The following VBP1 variants were observed in gnomAD, a reference collection of about 807,000 sequenced individuals.
VBP1 encodes the protein prefoldin subunit 3.
A neutral mutation model predicts 15.5 loss-of-function variants in VBP1; 4 were observed. The observed-to-expected ratio is 0.26, with a 90% CI of 0.13 to 0.59. The LOEUF (loss-of-function observed/expected upper bound fraction) is 0.59. Ranked by LOEUF, VBP1 falls within the 20% of genes least tolerant of loss-of-function variation. The probability of loss-of-function intolerance (pLI) is 0.90; values close to 1 mark genes in which losing one functional copy is unlikely to be tolerated. For synonymous variants in VBP1, 61 were observed against 52.1 expected (o/e 1.17, Z -0.74); for missense variants, 108 against 139.6 (o/e 0.77, Z 1.14).
intron 2 of VBP1, among the ~76,000 whole-genome samples, chrX:155,224,032 T>C (rs1286941113): frequency 2.0e-5 from 2 of 99,955 alleles, no homozygotes; most frequent in African/African-American, 7.7e-5. Flanking sequence ...GCTCCCCACA[T>C]CTCAGAGGAT....
intron 1 of VBP1, among the ~76,000 whole-genome samples, chrX:155,199,224 C>A (rs1393043345): frequency 9.0e-6 from 1 of 110,710 alleles, no homozygotes; most frequent in Non-Finnish European, 1.9e-5. Flanking sequence ...TCTAGCAAGG[C>A]AGGCCAACAT....
intron 2 of VBP1, among the ~76,000 whole-genome samples, chrX:155,211,005 G>A (rs1557308472): frequency 8.9e-6 from 1 of 112,096 alleles, no homozygotes; most frequent in Non-Finnish European, 1.9e-5. Flanking sequence ...ATATGTGAAA[G>A]GTGATGAATT....
intron 2 of VBP1, among the ~76,000 whole-genome samples, chrX:155,222,950 C>A (rs1331950471): frequency 2.7e-5 from 3 of 111,120 alleles, no homozygotes; most frequent in Non-Finnish European, 5.7e-5. Context: ...TCAAGCAATT[C>A]TTCCATCTCA....
intron 5 of VBP1, among the ~76,000 whole-genome samples, chrX:155,237,722 ACC>A (rs2074780479): frequency 9.0e-6 from 1 of 111,461 alleles, no homozygotes; most frequent in South Asian, 3.7e-4. Flanking sequence ...CTCTTTTTTT[ACC>A]CTTTTACCCT....
intron 1 of VBP1, among the ~76,000 whole-genome samples, chrX:155,218,070 T>C (rs2074673347): frequency 8.9e-6 from 1 of 112,124 alleles, no homozygotes; most frequent in African/African-American, 3.2e-5. Context: ...GTCAGAAATC[T>C]AACTCGGGAG....
intron 2 of VBP1, among the ~76,000 whole-genome samples, chrX:155,221,638 A>G (rs2074690099): frequency 8.9e-6 from 1 of 112,272 alleles, no homozygotes; most frequent in Non-Finnish European, 1.9e-5. Flanking sequence ...AAAGCACCTC[A>G]TTAACCTGGA....
rs1184929995 is a variant in VBP1 at position 155,197,568 on chromosome X, GA to G, written c.-31+435del. Among the ~76,000 whole-genome samples, 2 of 112,108 alleles carry G rather than the reference GA, an allele frequency of 1.8e-5. 1 individual carries two copies. The highest frequency in any genetic ancestry group is 3.8e-5 in the Non-Finnish European group (2 of 52,985). ...CAAATGCCTATGTATAGAATGGTAAGAAAAAACGCTCTTTTTTAATCATTCA... is the reference window on the plus strand; with the variant it reads ...CAAATGCCTATGTATAGAATGGTAAGAAAAACGCTCTTTTTTAATCATTCA... On this transcript the variant is annotated intron_variant, in intron 1 of 6. Coordinates refer to the VBP1 transcript ENST00000535916.
intron 4 of VBP1, among the ~76,000 whole-genome samples, chrX:155,230,866 C>G (rs373006758): frequency 6.3e-5 from 7 of 111,138 alleles, no homozygotes; most frequent in African/African-American, 2.3e-4. Context: ...TTGGTAGAGA[C>G]GGGGTTTTGC....
chrX:155,198,474 A>T (rs894068207), intron 1 of VBP1, among the ~76,000 whole-genome samples: 1 of 111,930 alleles, frequency 8.9e-6, no homozygotes. Flanking sequence ...TTCTGCAGCC[A>T]CTGCTGCTGA....
upstream of VBP1, among the ~76,000 whole-genome samples, chrX:155,212,169 T>G (rs1170224002): frequency 1.8e-5 from 2 of 112,167 alleles, no homozygotes; most frequent in African/African-American, 6.5e-5. Flanking sequence ...GTGCTGGAAA[T>G]GCACCATCTC....
chrX:155,235,795 A>G (rs1245954346), intron 4 of VBP1, among the ~76,000 whole-genome samples: 3 of 112,203 alleles, frequency 2.7e-5, no homozygotes, highest in Non-Finnish European at 5.6e-5. Context: ...GAAAGATAGG[A>G]TTTTGTATCT....
rs895519030 is a variant in VBP1, at chrX:155,223,973, C to T, written c.219-3262C>T. Reference sequence around the variant, plus strand: ...CCTCACCTCCCAGACGGGGTGGCGGCGGGGCAGAGGTGCTCTTCACATCTC... The same window carrying T: ...CCTCACCTCCCAGACGGGGTGGCGGTGGGGCAGAGGTGCTCTTCACATCTC... On this transcript the variant is annotated intron_variant, in intron 2 of 5. Coordinates refer to ENST00000286428, the MANE Select transcript of VBP1 (RefSeq NM_003372.7). Among the ~76,000 whole-genome samples the T allele has an allele frequency of 6.4e-5, 7 of 109,825 alleles. No individual in the cohort carries two copies. The South Asian group carries it at 1.2e-3, about 19-fold the overall frequency.
At chrX:155,198,075 C>T (rs1239345783) in intron 1 of VBP1, among the ~76,000 whole-genome samples, 1 of 112,522 alleles carries the variant, frequency 8.9e-6, no homozygotes, top group Non-Finnish European at 1.9e-5. Context: ...CCGCCATTGC[C>T]CAGGCTTGCT....
At chrX:155,199,310 A>T (rs1401669645) in intron 1 of VBP1, among the ~76,000 whole-genome samples, 1 of 110,382 alleles carries the variant, frequency 9.1e-6, no homozygotes, top group East Asian at 2.8e-4. Context: ...TAATTGTCAG[A>T]TTCACCAAAG....
intron 1 of VBP1, among the ~76,000 whole-genome samples, chrX:155,202,465 C>G (rs1290216003): frequency 1.8e-5 from 2 of 111,184 alleles, no homozygotes; most frequent in Non-Finnish European, 3.8e-5. Context: ...ATATCTACAA[C>G]TATCTGATCT....
At chrX:155,197,280 C>T (rs1343393488) in intron 1 of VBP1, 2 of 111,528 alleles carry the variant, frequency 1.8e-5, no homozygotes, top group South Asian at 3.7e-4. Context: ...CAAGCAAATT[C>T]CTGTTCCTCA....
At chrX:155,214,987 A>G (rs1040457842), upstream of VBP1, among the ~76,000 whole-genome samples, 1 of 110,711 alleles carries the variant, frequency 9.0e-6, no homozygotes, top group African/African-American at 3.3e-5. Context: ...TAAGCTGATA[A>G]GGCTTTTGGC....
At position 155,220,089 on chromosome X, in the gene VBP1, CT is replaced by C. The variant is rs1168862261; in HGVS notation, c.94-86del. On this transcript the variant is annotated intron_variant, in intron 1 of 5. Transcript: ENST00000286428. ...AACAAACCTTTGGAGAAAAACAAAG[CT>C]TTTTTTTCTTCTATGTTTTAAAAAC... 8.1e-3 allele frequency: 7,099 copies of C among 879,984 alleles called. 29 individuals carry two copies. Among genetic ancestry groups the C allele is most frequent in the Non-Finnish European group, 9.5e-3 (6,185 of 650,136 alleles). The allele number at this position is 879,984 out of a possible 1,213,427, so 72.5% of individuals were successfully genotyped here.
At chrX:155,230,570 T>C (rs1188115992) in intron 4 of VBP1, among the ~76,000 whole-genome samples, 1 of 111,891 alleles carries the variant, frequency 8.9e-6, no homozygotes, top group Non-Finnish European at 1.9e-5. Context: ...ATCAGGTCAT[T>C]CCATTATTCT....
Sources: allele counts gnomAD v4.1 joint callset (sites outside exome capture counted in the v4.1 genomes callset), GRCh38; gene constraint gnomAD v4.1.1; transcripts MANE v1.5; gene names NCBI Gene and HGNC (gene_info 2026-07-23, HGNC 2026-07-21).